Variants in BNC2 observed in about 807,000 individuals in gnomAD.
BNC2 encodes zinc finger protein basonuclin-2.
In BNC2, 20 loss-of-function variants were observed where a neutral mutation model predicts 76.3. That is an observed-to-expected ratio of 0.26 (90% CI 0.18 to 0.38). The LOEUF is 0.38. Among genes scored for constraint, BNC2 ranks in the 10% least tolerant of loss-of-function variants. The pLI is 1.00. For missense variants in BNC2, 1,382 were observed against 1,399.8 expected (o/e 0.99, Z 0.20); for synonymous variants, 582 against 514.8 (o/e 1.13, Z -1.77).
chr9:16,710,404 G>A (rs1156519277), intron 3 of BNC2, among the ~76,000 whole-genome samples: 1 of 152,126 alleles, frequency 6.6e-6, no homozygotes, highest in Non-Finnish European at 1.5e-5. Flanking sequence ...TGAGCCAAAG[G>A]GCTAAAATAT....
At chr9:16,755,607 T>C (rs527251503) in intron 1 of BNC2, among the ~76,000 whole-genome samples, 121 of 152,256 alleles carry the variant, frequency 7.9e-4, no homozygotes, top group Non-Finnish European at 8.7e-4. Flanking sequence ...GGTTCAGTAC[T>C]ACCTGTTGAC....
chr9:16,576,915 T>G (rs1192540674), intron 4 of BNC2, among the ~76,000 whole-genome samples: 1 of 152,172 alleles, frequency 6.6e-6, no homozygotes, highest in Non-Finnish European at 1.5e-5. Flanking sequence ...TTTTTGTATT[T>G]TTAGTAGAGA....
chr9:16,641,803 ACT>A (rs1821499272), intron 3 of BNC2, among the ~76,000 whole-genome samples: 5 of 151,942 alleles, frequency 3.3e-5, no homozygotes. Context: ...AAATATGTAA[ACT>A]CTCTTTCTCT....
intron 5 of BNC2, among the ~76,000 whole-genome samples, chr9:16,497,146 G>A (rs1162360645): frequency 6.6e-6 from 1 of 152,212 alleles, no homozygotes; most frequent in Non-Finnish European, 1.5e-5. Context: ...CACTCTGGTA[G>A]CCTTTTTGGA....
chr9:16,769,914 G>C (rs144154944), intron 1 of BNC2, among the ~76,000 whole-genome samples: 19 of 152,234 alleles, frequency 1.2e-4, no homozygotes, highest in South Asian at 1.2e-3. Flanking sequence ...GGTGCTCCAG[G>C]ATAAGTGGAG....
intron 5 of BNC2, among the ~76,000 whole-genome samples, chr9:16,463,076 T>C (rs570885286): frequency 6.6e-6 from 1 of 152,138 alleles, no homozygotes; most frequent in Admixed American, 6.5e-5. Flanking sequence ...CTGAAAGCAA[T>C]GTTGTTCTGA....
chr9:16,705,656 G>GT (rs34453723), intron 3 of BNC2, among the ~76,000 whole-genome samples: 92,314 of 150,552 alleles, frequency 0.61, 31,594 homozygotes, highest in Non-Finnish European at 0.8. Flanking sequence ...TGTGGCTTGG[G>GT]TTTTTTTTTC....
intron 1 of BNC2, among the ~76,000 whole-genome samples, chr9:16,755,171 T>A (rs1033843378): frequency 6.6e-6 from 1 of 152,068 alleles, no homozygotes; most frequent in African/African-American, 2.4e-5. Flanking sequence ...CTGAAAATAT[T>A]TCCAAATAAG....
At chr9:16,645,454 A>C (rs1453110120) in intron 3 of BNC2, among the ~76,000 whole-genome samples, 1 of 152,224 alleles carries the variant, frequency 6.6e-6, no homozygotes, top group Non-Finnish European at 1.5e-5. Flanking sequence ...TAGCTTAACA[A>C]TTATATTACA....
At chr9:16,725,119 A>T (rs1324760219) in intron 3 of BNC2, among the ~76,000 whole-genome samples, 1 of 152,132 alleles carries the variant, frequency 6.6e-6, no homozygotes, top group East Asian at 1.9e-4. Context: ...TTTACCTGTA[A>T]CAAAAACTAG....
intron 5 of BNC2, among the ~76,000 whole-genome samples, chr9:16,524,586 G>T (rs1362168841): frequency 6.6e-6 from 1 of 151,912 alleles, no homozygotes; most frequent in African/African-American, 2.4e-5. Flanking sequence ...TGCTAAATAG[G>T]ACTCTGATGT....
intron 1 of BNC2, among the ~76,000 whole-genome samples, chr9:16,780,097 G>C (rs1417585853): frequency 6.6e-6 from 1 of 151,258 alleles, no homozygotes; most frequent in Non-Finnish European, 1.5e-5. Context: ...TTAGCCGGGC[G>C]CGGTGGCGGG....
chr9:16,632,832 A>G (rs1406315289), intron 3 of BNC2, among the ~76,000 whole-genome samples: 2 of 152,150 alleles, frequency 1.3e-5, no homozygotes, highest in Non-Finnish European at 2.9e-5. Flanking sequence ...AAAAGTCTAT[A>G]CCCTGTAAAA....
At chr9:16,574,630 C>T (rs1054076694) in intron 4 of BNC2, among the ~76,000 whole-genome samples, 42 of 152,138 alleles carry the variant, frequency 2.8e-4, no homozygotes, top group African/African-American at 9.9e-4. Flanking sequence ...AAAACCTTCC[C>T]TGGAAGGAGA....
chr9:16,556,422 G>C (rs551404960), intron 4 of BNC2, among the ~76,000 whole-genome samples: 6 of 152,110 alleles, frequency 3.9e-5, no homozygotes, highest in Non-Finnish European at 8.8e-5. Context: ...AGCTCTAAGA[G>C]TGTGGTTTAG....
chr9:16,719,942 C>G (rs909376641), intron 3 of BNC2, among the ~76,000 whole-genome samples: 8 of 152,088 alleles, frequency 5.3e-5, no homozygotes, highest in Non-Finnish European at 1.0e-4. Flanking sequence ...AGAAGTCTAA[C>G]TGCACAAAAT....
intron 5 of BNC2, among the ~76,000 whole-genome samples, chr9:16,478,035 G>GA (rs1237404658): frequency 1.3e-5 from 2 of 151,792 alleles, no homozygotes; most frequent in African/African-American, 2.4e-5. Flanking sequence ...AGTCAGGCAG[G>GA]AAAAAAAACC....
chr9:16,813,293 T>C (rs559132394), intron 1 of BNC2, among the ~76,000 whole-genome samples: 1 of 149,438 alleles, frequency 6.7e-6, no homozygotes, highest in Non-Finnish European at 1.5e-5. Context: ...TGAGACGGAG[T>C]CTGGCTCTGT....
chr9:16,539,262 C>G (rs1175350459), intron 5 of BNC2, among the ~76,000 whole-genome samples: 2 of 152,180 alleles, frequency 1.3e-5, no homozygotes, highest in Middle Eastern at 3.4e-3. Flanking sequence ...TCTGTAACCC[C>G]TAACCCCAAC....
Sources: gnomAD v4.1 joint callset for allele counts (sites outside exome capture counted in the v4.1 genomes callset) on GRCh38, gnomAD v4.1.1 for gene constraint, MANE v1.5 for transcripts, NCBI Gene and HGNC (gene_info 2026-07-23, HGNC 2026-07-21) for gene names.